The following SRBD1 variants were observed in gnomAD, a reference collection of about 807,000 sequenced individuals.
SRBD1 encodes S1 RNA binding domain 1, also known as S1 RNA-binding domain-containing protein 1.
Under a neutral mutation model 115.3 loss-of-function variants are expected in SRBD1, and 88 were observed. The observed-to-expected ratio is 0.76, with a 90% confidence interval of 0.64 to 0.91. The LOEUF (loss-of-function observed/expected upper bound fraction) is 0.91, where lower values mean the gene tolerates loss of function less well. Among genes scored for constraint, SRBD1 ranks in the 40% least tolerant of loss-of-function variants. SRBD1 has a pLI of 0.00. For synonymous variants in SRBD1, 509 were observed against 407.7 expected (o/e 1.25, Z -2.99); for missense variants, 1,385 against 1,177.4 (o/e 1.18, Z -2.58).
chr2:45,567,546 T>C (rs2104123436), intron 9 of SRBD1, among the ~76,000 whole-genome samples: 1 of 152,044 alleles, frequency 6.6e-6, no homozygotes, highest in Admixed American at 6.5e-5. Context: ...AAGGCGAAAC[T>C]TGCAGTGAGG....
intron 16 of SRBD1, among the ~76,000 whole-genome samples, chr2:45,471,472 C>T (rs151244994): frequency 0.011 from 1,721 of 152,148 alleles, 38 homozygotes; most frequent in African/African-American, 0.037. Flanking sequence ...TAATATTTTG[C>T]TATTACAGTA....
intron 16 of SRBD1, among the ~76,000 whole-genome samples, chr2:45,476,582 T>C (rs1203470194): frequency 1.3e-5 from 2 of 152,158 alleles, no homozygotes; most frequent in Non-Finnish European, 2.9e-5. Context: ...AGTACTATTA[T>C]TACCTACCAC....
chr2:45,474,036 C>T (rs1165133254), intron 16 of SRBD1, among the ~76,000 whole-genome samples: 2 of 152,124 alleles, frequency 1.3e-5, no homozygotes, highest in Non-Finnish European at 2.9e-5. Flanking sequence ...TGCTTTTAAC[C>T]GTGTCCACTC....
intron 19 of SRBD1, among the ~76,000 whole-genome samples, chr2:45,402,256 C>A (rs1667311819): frequency 6.6e-6 from 1 of 152,148 alleles, no homozygotes; most frequent in Non-Finnish European, 1.5e-5. Flanking sequence ...AAACCTGACA[C>A]AAGTTTTTAG....
chr2:45,608,997 G>A (rs192398250), intron 1 of SRBD1, among the ~76,000 whole-genome samples: 371 of 152,070 alleles, frequency 2.4e-3, no homozygotes, highest in Admixed American at 4.4e-3. Flanking sequence ...TGATAGAGAC[G>A]GGGTTCGTCA....
chr2:45,422,281 T>C (rs895914941), intron 16 of SRBD1, among the ~76,000 whole-genome samples: 4 of 152,192 alleles, frequency 2.6e-5, no homozygotes, highest in African/African-American at 9.6e-5. Flanking sequence ...TAACCTCTAG[T>C]TGTCAACCCC....
intron 9 of SRBD1, among the ~76,000 whole-genome samples, chr2:45,563,371 A>T (rs183635601): frequency 6.6e-6 from 1 of 152,072 alleles, no homozygotes; most frequent in African/African-American, 2.4e-5. Flanking sequence ...CTTAATTAAA[A>T]TATTAAAAGA....
rs745779580 is a variant in SRBD1 at position 45,579,960 on chromosome 2, C to T, written c.987G>A (p.Gln329=). Reference sequence around the variant, plus strand: ...CCCTGGCTGCTCCTTCTAAGCCCAACTGTCTTGCTCTCTGGGCTTTAGTCC... The same window carrying T: ...CCCTGGCTGCTCCTTCTAAGCCCAATTGTCTTGCTCTCTGGGCTTTAGTCC... ...SKGTKAQRAR[Q]LGLEGAARAL... The change falls in exon 7 of 21, where the codon CAG becomes CAA. Residue 329 remains glutamine (Q), a synonymous_variant. Transcript: ENST00000263736. 69 of 1,607,170 alleles carry T rather than the reference C, an allele frequency of 4.3e-5. No individual in the cohort carries two copies. Among genetic ancestry groups the T allele is most frequent in the Non-Finnish European group, 2.0e-5 (24 of 1,176,914 alleles).
chr2:45,419,308 AAAG>A (rs1208933044), intron 17 of SRBD1, among the ~76,000 whole-genome samples: 1 of 152,222 alleles, frequency 6.6e-6, no homozygotes, highest in Admixed American at 6.5e-5. Flanking sequence ...CCATGGGGGA[AAAG>A]AAGATTATAT....
intron 19 of SRBD1, among the ~76,000 whole-genome samples, chr2:45,393,537 C>T (rs1558548820): frequency 2.0e-5 from 3 of 152,112 alleles, no homozygotes; most frequent in Admixed American, 1.3e-4. Flanking sequence ...CCCGCCACCA[C>T]GCCCAGCTAA....
intron 16 of SRBD1, among the ~76,000 whole-genome samples, chr2:45,451,589 A>G (rs1668997382): frequency 6.6e-6 from 1 of 152,026 alleles, no homozygotes; most frequent in African/African-American, 2.4e-5. Context: ...CAGTATCTTC[A>G]GAGACACACA....
intron 16 of SRBD1, among the ~76,000 whole-genome samples, chr2:45,445,290 A>G (rs889549301): frequency 2.0e-5 from 3 of 152,250 alleles, no homozygotes; most frequent in Non-Finnish European, 4.4e-5. Context: ...CAGATCTGTC[A>G]CTTGAAATAT....
At chr2:45,509,023 T>C (rs1407214091) in intron 14 of SRBD1, among the ~76,000 whole-genome samples, 1 of 152,094 alleles carries the variant, frequency 6.6e-6, no homozygotes, top group Non-Finnish European at 1.5e-5. Flanking sequence ...GAATACATGC[T>C]AGTACACAAA....
intron 19 of SRBD1, among the ~76,000 whole-genome samples, chr2:45,406,173 A>G (rs1253890324): frequency 6.6e-6 from 1 of 152,144 alleles, no homozygotes; most frequent in Non-Finnish European, 1.5e-5. Context: ...CAAGGTCAGG[A>G]GTCCTCAGCA....
chr2:45,449,457 G>A (rs1182202326), intron 16 of SRBD1, among the ~76,000 whole-genome samples: 2 of 152,136 alleles, frequency 1.3e-5, no homozygotes, highest in Non-Finnish European at 2.9e-5. Flanking sequence ...TTTTGATTCT[G>A]AAATCGCCAT....
intron 16 of SRBD1, among the ~76,000 whole-genome samples, chr2:45,432,068 C>T (rs1167602308): frequency 2.0e-5 from 3 of 149,900 alleles, no homozygotes; most frequent in South Asian, 2.1e-4. Context: ...CTCACCCTGT[C>T]GCCCAGGCTG....
Position 45,418,546 on chromosome 2 carries a change from A to G in SRBD1, c.2157-5T>C, listed in dbSNP as rs767870325. On this transcript the variant is annotated splice_region_variant and splice_polypyrimidine_tract_variant and intron_variant, in intron 17 of 20. Coordinates refer to ENST00000263736, the MANE Select transcript of SRBD1 (RefSeq NM_018079.5). Reference sequence around the variant, plus strand: ...GCATTGAGTCCTGCAATATGCCTAGAAAAAAAAAATAAGCAAACTGAAAAA... The same window carrying G: ...GCATTGAGTCCTGCAATATGCCTAGGAAAAAAAAATAAGCAAACTGAAAAA... 15 of 1,488,566 alleles carry G rather than the reference A, an allele frequency of 1.0e-5. No individual in the cohort carries two copies. The South Asian group carries it at 1.6e-4, about 16-fold the overall frequency. 92.2% of individuals were successfully genotyped at this position (1,488,566 alleles called of 1,614,324 possible).
At chr2:45,480,693 A>T (rs1213691704) in intron 15 of SRBD1, among the ~76,000 whole-genome samples, 1 of 152,216 alleles carries the variant, frequency 6.6e-6, no homozygotes, top group East Asian at 1.9e-4. Flanking sequence ...CAAATATTAC[A>T]TAAACTTCAT....
chr2:45,580,611 G>A (rs1033290124), intron 6 of SRBD1, among the ~76,000 whole-genome samples: 13 of 147,002 alleles, frequency 8.8e-5, no homozygotes, highest in African/African-American at 3.0e-4. Context: ...TGCCCGCCTC[G>A]GCCTCCCAAA....
Sources: allele counts gnomAD v4.1 joint callset (sites outside exome capture counted in the v4.1 genomes callset), GRCh38; gene constraint gnomAD v4.1.1; transcripts MANE v1.5; gene names NCBI Gene and HGNC (gene_info 2026-07-23, HGNC 2026-07-21).